Variants in FKRP observed in about 807,000 individuals in gnomAD.
FKRP encodes ribitol 5-phosphate transferase FKRP.
Under a neutral mutation model 30.6 loss-of-function variants are expected in FKRP, and 25 were observed. The observed-to-expected ratio is 0.82, with a 90% CI of 0.60 to 1.14. The LOEUF (loss-of-function observed/expected upper bound fraction) is 1.14. Ranked by LOEUF, FKRP falls within the 50% of genes most tolerant of loss-of-function variation. The pLI is 0.00. For synonymous variants in FKRP, 358 were observed against 342.5 expected (o/e 1.05, Z -0.50); for missense variants, 771 against 727.8 (o/e 1.06, Z -0.68).
At chr19:46,746,573 A>C in intron 1 of FKRP, 1 of 289,944 alleles carries the variant, frequency 3.4e-6, no homozygotes, top group Non-Finnish European at 5.0e-6. Flanking sequence ...GGCGAGCGCG[A>C]GCCTCGCCCA....
In FKRP at chr19:46,755,733, C is replaced by A; in HGVS notation, c.283C>A (p.Arg95Ser). The A allele has an allele frequency of 6.4e-7, 1 of 1,568,608 alleles. No individual in the cohort carries two copies. Among genetic ancestry groups the A allele is most frequent in the African/African-American group, 1.4e-5 (1 of 73,866 alleles). Reference sequence around the variant, plus strand: ...CCCCTACCCGCCCCTGGCCCTGCCCCGCATCCCCAACGTGCGTCTGGCGCT... The same window carrying A: ...CCCCTACCCGCCCCTGGCCCTGCCCAGCATCCCCAACGTGCGTCTGGCGCT... ...TLPYPPLALP[R>S]IPNVRLALLQ... Residue 95 changes from arginine to serine, a missense_variant, in exon 4 of 4, where the codon CGC (arginine) becomes AGC (serine). Arg to Ser is a moderately radical substitution (Grantham distance 110, BLOSUM62 -1). Coordinates refer to ENST00000318584, the MANE Select transcript of FKRP (RefSeq NM_024301.5).
chr19:46,756,721 A>G lies in FKRP; in HGVS notation c.1271A>G (p.Asn424Ser), dbSNP rs376989573. 5 of 1,611,590 alleles carry G rather than the reference A, an allele frequency of 3.1e-6. No homozygotes were observed. The African/African-American group carries it at 5.3e-5, about 17-fold the overall frequency. ...GACCTGTGGCCCTTCTACCCCCGCA[A>G]TGGCGTCATGACCAAGGACACGTGG... ...HVDLWPFYPR[N>S]GVMTKDTWLD... The change falls in exon 4 of 4, where the codon AAT becomes AGT. Residue 424 changes from asparagine (N) to serine (S), a missense_variant. Transcript: ENST00000318584. This position sits in a 1 kb window ranked among gnomAD's most constrained non-coding sequence, Gnocchi z 6.6.
chr19:46,755,538 C>T lies in FKRP; in HGVS notation c.88C>T (p.Gln30Ter). 6.2e-7 allele frequency: 1 copy of T among 1,609,464 alleles called. No individual in the cohort carries two copies. The highest frequency in any genetic ancestry group is 8.5e-7 in the Non-Finnish European group (1 of 1,178,236). Residue 30 changes from glutamine to a stop codon, truncating the protein, a stop_gained, in exon 4 of 4, where the codon CAG becomes TAG. Transcript: ENST00000318584. LOFTEE classifies it high-confidence loss of function. The part of the protein sequence containing the change: ...VLFYVSWLQH[Q>*]PRNSRARGPR... ...CTTCTATGTCTCGTGGCTGCAGCAC[C>T]AGCCTAGGAATTCCCGGGCCCGGGG...
In FKRP at chr19:46,754,826, A is replaced by G. The variant is rs370664769; in HGVS notation, c.-39-586A>G. Among the ~76,000 whole-genome samples the G allele has an allele frequency of 3.8e-3, 575 of 151,324 alleles. 4 individuals carry two copies. The highest frequency in any genetic ancestry group is 0.014 in the African/African-American group (550 of 40,740). ...TCACCGTGTTGGCCAGGCTGGTCTC[A>G]AACTCCTGACCTCAGGTAATCCACC... On this transcript the variant is annotated intron_variant, in intron 3 of 3. Transcript: ENST00000318584.
At chr19:46,746,015 G>T (rs912410742), upstream of FKRP, 6 of 1,131,990 alleles carry the variant, frequency 5.3e-6, 1 homozygote, top group South Asian at 1.2e-4. Context: ...CTCCGGGACC[G>T]TCGCGGTCCC....
In FKRP at chr19:46,756,622, G is replaced by T; in HGVS notation, c.1172G>T (p.Gly391Val). 1 of 1,612,750 alleles carries T rather than the reference G, an allele frequency of 6.2e-7. No individual in the cohort carries two copies. Among genetic ancestry groups the T allele is most frequent in the Non-Finnish European group, 8.5e-7 (1 of 1,179,610 alleles). The change falls in exon 4 of 4, where the codon GGC (glycine) becomes GTC (valine). Residue 391 changes from glycine to valine, a missense_variant. Gly to Val is a moderately radical substitution (Grantham distance 109, BLOSUM62 -3). Transcript: ENST00000318584. The surrounding 1 kb of genome is among the most constrained non-coding windows in gnomAD (Gnocchi z 6.6). ...GCCGGCTCGGTGGTGGATGAGCGCG[G>T]CTTCGTATGGGAGAAGGCGGTCGAG... ...AEAGSVVDER[G>V]FVWEKAVEGD... is the part of the protein sequence containing the mutation.
Position 46,756,842 on chromosome 19 carries a change from C to G in FKRP, c.1392C>G (p.Asn464Lys), listed in dbSNP as rs750771321. The G allele has an allele frequency of 1.3e-5, 21 of 1,601,862 alleles. No homozygotes were observed. The South Asian group carries it at 2.3e-4, about 18-fold the overall frequency. ...GCTTCGTGGCGCAGGCGCCTAACAA[C>G]TACCGCCGCTTCCTGGAGCTCAAGT... is the stretch of plus-strand genomic sequence containing the variant. ...FAGFVAQAPN[N>K]YRRFLELKFG... is the part of the protein sequence containing the mutation. The change falls in exon 4 of 4, where the codon AAC becomes AAG. Residue 464 changes from asparagine to lysine, a missense_variant. By Grantham distance (94) the Asn-to-Lys change is moderately conservative. Coordinates refer to ENST00000318584, the MANE Select transcript of FKRP (RefSeq NM_024301.5). This position sits in a 1 kb window ranked among gnomAD's most constrained non-coding sequence, Gnocchi z 6.6.
intron 3 of FKRP, among the ~76,000 whole-genome samples, chr19:46,752,948 A>G (rs2054821940): frequency 1.3e-5 from 2 of 152,060 alleles, no homozygotes; most frequent in Admixed American, 6.6e-5. Flanking sequence ...CAGGCAGATC[A>G]TGAGGTCAAG....
At chr19:46,754,564 CTTTTG>C (rs1033563432) in intron 3 of FKRP, among the ~76,000 whole-genome samples, 4 of 149,808 alleles carry the variant, frequency 2.7e-5, no homozygotes. Context: ...GCCCACCCCA[CTTTTG>C]TTTTGTTTTT....
Position 46,757,066 on chromosome 19 carries a change from A to G in FKRP, c.*128A>G. On this transcript the variant is annotated 3_prime_UTR_variant, in exon 4 of 4. Transcript: ENST00000318584. ...GGAAACTGACCAAGAAAGAAATTCT[A>G]AGGAGAGCATGAGAGAAGGCTGGCA... 4 of 1,284,428 alleles carry G rather than the reference A, an allele frequency of 3.1e-6. No individual in the cohort carries two copies. The highest frequency in any genetic ancestry group is 4.4e-6 in the Non-Finnish European group (4 of 906,534). 79.6% of individuals were successfully genotyped at this position (1,284,428 alleles called of 1,614,324 possible).
intron 3 of FKRP, among the ~76,000 whole-genome samples, chr19:46,754,687 A>T (rs2122597527): frequency 6.6e-6 from 1 of 151,576 alleles, no homozygotes; most frequent in South Asian, 2.1e-4. Context: ...GCTCACTGCA[A>T]CCTCCATCTC....
At chr19:46,751,480 G>T (rs1461941023) in intron 3 of FKRP, among the ~76,000 whole-genome samples, 1 of 151,868 alleles carries the variant, frequency 6.6e-6, no homozygotes, top group Non-Finnish European at 1.5e-5. Context: ...CTGGGTTCAA[G>T]CAATTCTCCT....
rs370828844 is a variant in FKRP at position 46,752,692 on chromosome 19, C to A, written c.-39-2720C>A. The stretch of plus-strand genomic sequence containing the variant: ...CCTGGACAATATAGTGGGAGCCAGT[C>A]TCCACAAAAATGTGTTTGAAAAATT... On this transcript the variant is annotated intron_variant, in intron 3 of 3. Coordinates refer to ENST00000318584, the MANE Select transcript of FKRP (RefSeq NM_024301.5). Among the ~76,000 whole-genome samples the A allele has an allele frequency of 2.4e-4, 37 of 152,050 alleles. 3 individuals carry two copies. The East Asian group carries it at 3.5e-3, about 14-fold the overall frequency.
At chr19:46,753,193 C>A (rs1369601218) in intron 3 of FKRP, among the ~76,000 whole-genome samples, 1 of 147,700 alleles carries the variant, frequency 6.8e-6, no homozygotes, top group Non-Finnish European at 1.5e-5. Flanking sequence ...TGGCTGGGCG[C>A]GGTGGCTCAC....
chr19:46,748,649 T>C lies in FKRP; in HGVS notation c.-56T>C, dbSNP rs541273143. The C allele has an allele frequency of 1.2e-4, 18 of 152,398 alleles. No individual in the cohort carries two copies. The highest frequency in any genetic ancestry group is 4.1e-4 in the African/African-American group (17 of 41,574). 9.4% of individuals were successfully genotyped at this position (152,398 alleles called of 1,614,324 possible). ...AAACTCTCAGAGTAACTGTCCCCTC[T>C]GACTACCATTTCTAAGGCAAGCCCC... On this transcript the variant is annotated 5_prime_UTR_variant, in exon 3 of 4. Transcript: ENST00000318584.
In FKRP at chr19:46,746,104, G is replaced by A. The variant is rs755990039; in HGVS notation, c.-253+14G>A. 32 of 1,421,156 alleles carry A rather than the reference G, an allele frequency of 2.3e-5. No homozygotes were observed. The Admixed American group carries it at 8.4e-4, about 37-fold the overall frequency. 88.0% of individuals were successfully genotyped at this position (1,421,156 alleles called of 1,614,324 possible). Reference sequence around the variant, plus strand: ...CGGCGGCAGCGGGTGAGGCCGGGCCGGGCCGGGCCGGGTTGGGGGTCGGGG... The same window carrying A: ...CGGCGGCAGCGGGTGAGGCCGGGCCAGGCCGGGCCGGGTTGGGGGTCGGGG... On this transcript the variant is annotated intron_variant, in intron 1 of 3. Coordinates refer to ENST00000318584, the MANE Select transcript of FKRP (RefSeq NM_024301.5).
chr19:46,756,032 G>T lies in FKRP; in HGVS notation c.582G>T (p.Leu194=). The stretch of plus-strand genomic sequence containing the variant: ...CCGCCGCGCCCCGCTGCGACGCCCT[G>T]GACGGAGATGCTGTGGTGCTCCTGC... The part of the protein sequence containing the change: ...AAPAAPRCDA[L]DGDAVVLLRA... The change falls in exon 4 of 4, where the codon CTG becomes CTT. Residue 194 remains leucine, a synonymous_variant. Coordinates refer to ENST00000318584, the MANE Select transcript of FKRP (RefSeq NM_024301.5). The surrounding 1 kb of genome is among the most constrained non-coding windows in gnomAD (Gnocchi z 6.6). 2 of 1,579,704 alleles carry T rather than the reference G, an allele frequency of 1.3e-6. No individual in the cohort carries two copies. Among genetic ancestry groups the T allele is most frequent in the East Asian group, 2.3e-5 (1 of 43,464 alleles).
chr19:46,757,458 T>C lies in FKRP; in HGVS notation c.*520T>C, dbSNP rs1231484024. On this transcript the variant is annotated 3_prime_UTR_variant, in exon 4 of 4. Coordinates refer to ENST00000318584, the MANE Select transcript of FKRP (RefSeq NM_024301.5). ...GCTTCCAGGATGCGGGACCCTTGGC[T>C]GCAGGGGTTGCTTCCGCCACTAGAG... is the stretch of plus-strand genomic sequence containing the variant. The C allele has an allele frequency of 5.6e-6, 1 of 178,802 alleles. No individual in the cohort carries two copies. The highest frequency in any genetic ancestry group is 1.3e-5 in the Non-Finnish European group (1 of 74,982). 11.1% of individuals were successfully genotyped at this position (178,802 alleles called of 1,614,324 possible).
At position 46,746,102 on chromosome 19, in the gene FKRP, C is replaced by CCGGGT; in HGVS notation, c.-253+16_-253+17insTCGGG. On this transcript the variant is annotated intron_variant, in intron 1 of 3. Coordinates refer to ENST00000318584, the MANE Select transcript of FKRP (RefSeq NM_024301.5). ...GGCGGCGGCAGCGGGTGAGGCCGGG[C>CCGGGT]CGGGCCGGGCCGGGTTGGGGGTCGG... 7.3e-7 allele frequency: 1 copy of CCGGGT among 1,373,680 alleles called. No homozygotes were observed. Among genetic ancestry groups the CCGGGT allele is most frequent in the Non-Finnish European group, 9.4e-7 (1 of 1,059,780 alleles). The allele number at this position is 1,373,680 out of a possible 1,614,324, so 85.1% of individuals were successfully genotyped here. A position where few individuals can be genotyped will look rare whatever the true frequency, so the allele number is the denominator to read the frequency against.
Sources: allele counts gnomAD v4.1 joint callset (sites outside exome capture counted in the v4.1 genomes callset), GRCh38; gene constraint gnomAD v4.1.1; non-coding constraint Gnocchi (gnomAD v3.1); transcripts MANE v1.5; gene names NCBI Gene and HGNC (gene_info 2026-07-23, HGNC 2026-07-21).